The following ACYP2 variants were observed in gnomAD, a reference collection of about 807,000 sequenced individuals.
The protein encoded by ACYP2 is acylphosphatase-2.
In ACYP2, 12 loss-of-function variants were observed where a neutral mutation model predicts 11.2. That is an observed-to-expected ratio of 1.08 (90% CI 0.69 to 1.74). The LOEUF (loss-of-function observed/expected upper bound fraction) is 1.74, where lower values mean the gene tolerates loss of function less well. Among genes scored for constraint, ACYP2 ranks in the 40% most tolerant of loss-of-function variants. ACYP2 has a pLI of 0.00. For synonymous variants in ACYP2, 43 were observed against 32.2 expected (o/e 1.33, Z -1.13); for missense variants, 134 against 101.9 (o/e 1.31, Z -1.35).
At chr2:54,081,023 G>A (rs1677618059) in intron 4 of ACYP2, among the ~76,000 whole-genome samples, 2 of 152,100 alleles carry the variant, frequency 1.3e-5, no homozygotes. Context: ...TTTCATATAT[G>A]GTTTATATGA....
chr2:54,159,066 A>G (rs997271567), intron 6 of ACYP2, among the ~76,000 whole-genome samples: 1 of 152,088 alleles, frequency 6.6e-6, no homozygotes, highest in African/African-American at 2.4e-5. Flanking sequence ...GCTTACTACT[A>G]TAAAACCATG....
chr2:54,149,816 C>A (rs1359143571), intron 6 of ACYP2, among the ~76,000 whole-genome samples: 3 of 152,120 alleles, frequency 2.0e-5, no homozygotes, highest in Non-Finnish European at 4.4e-5. Context: ...GTTACATGGC[C>A]TGGAAAACTA....
At chr2:54,257,405 A>G (rs528034583) in intron 6 of ACYP2, among the ~76,000 whole-genome samples, 55 of 152,334 alleles carry the variant, frequency 3.6e-4, no homozygotes, top group Non-Finnish European at 6.9e-4. Context: ...TGTTTCTGTC[A>G]GAAGTGACAT....
In ACYP2 at chr2:54,289,598, A is replaced by G. The variant is rs546560584; in HGVS notation, c.405-15090A>G. On this transcript the variant is annotated intron_variant, in intron 6 of 6. Coordinates refer to ENST00000607452, the MANE Select transcript of ACYP2 (RefSeq NM_001320586.2). ...GTTTTTTATGATCATCTCTGTCTAC[A>G]TAACAGACTGAAATTTGTGAGCATT... 1.8e-4 allele frequency among the ~76,000 whole-genome samples: 28 copies of G among 152,152 alleles called. 1 individual carries two copies. Among genetic ancestry groups the G allele is most frequent in the African/African-American group, 5.6e-4 (23 of 41,408 alleles).
At chr2:54,219,855 A>AT (rs1491527674) in intron 6 of ACYP2, among the ~76,000 whole-genome samples, 46 of 39,986 alleles carry the variant, frequency 1.2e-3, no homozygotes, top group East Asian at 7.9e-3. Context: ...GTGTGTATAT[A>AT]GATGTGTGTG....
At chr2:54,286,558 C>G (rs1375316781) in intron 6 of ACYP2, among the ~76,000 whole-genome samples, 1 of 152,030 alleles carries the variant, frequency 6.6e-6, no homozygotes, top group Non-Finnish European at 1.5e-5. Flanking sequence ...ATCCTCCTTT[C>G]ACATACCAGG....
intron 4 of ACYP2, among the ~76,000 whole-genome samples, chr2:54,123,984 G>A (rs1680311973): frequency 6.6e-6 from 1 of 152,154 alleles, no homozygotes; most frequent in East Asian, 1.9e-4. Context: ...TGGGAGAATG[G>A]ATTTGGGGTA....
intron 6 of ACYP2, among the ~76,000 whole-genome samples, chr2:54,292,196 A>T (rs1573062066): frequency 6.6e-6 from 1 of 152,218 alleles, no homozygotes; most frequent in East Asian, 1.9e-4. Flanking sequence ...AGCAAAACAA[A>T]TCTTTTTTTT....
At chr2:54,038,707 A>G (rs1675048037) in intron 2 of ACYP2, among the ~76,000 whole-genome samples, 1 of 141,380 alleles carries the variant, frequency 7.1e-6, no homozygotes, top group Non-Finnish European at 1.5e-5. Flanking sequence ...ATATATATAT[A>G]TATATACTCT....
intron 6 of ACYP2, among the ~76,000 whole-genome samples, chr2:54,207,101 C>T (rs1166980739): frequency 7.0e-6 from 1 of 142,584 alleles, no homozygotes; most frequent in Non-Finnish European, 1.5e-5. Context: ...ATATAGATAT[C>T]TATATATAGA....
intron 2 of ACYP2, among the ~76,000 whole-genome samples, chr2:54,042,344 T>C (rs1029854449): frequency 6.6e-6 from 1 of 152,230 alleles, no homozygotes; most frequent in Non-Finnish European, 1.5e-5. Context: ...ATAAGAACTG[T>C]ACCCCCAGAA....
At chr2:53,998,516 C>T (rs182402133) in intron 2 of ACYP2, among the ~76,000 whole-genome samples, 28 of 152,178 alleles carry the variant, frequency 1.8e-4, no homozygotes, top group African/African-American at 6.5e-4. Context: ...TGACTTAACA[C>T]ATAAAAGTTT....
chr2:54,090,645 T>C (rs57973870), intron 4 of ACYP2, among the ~76,000 whole-genome samples: 3,485 of 152,254 alleles, frequency 0.023, 120 homozygotes, highest in African/African-American at 0.079. Context: ...CAAAACAAAA[T>C]GAAACGGTGT....
intron 6 of ACYP2, among the ~76,000 whole-genome samples, chr2:54,247,204 T>A (rs1312452865): frequency 1.3e-5 from 2 of 152,122 alleles, no homozygotes; most frequent in African/African-American, 4.8e-5. Flanking sequence ...ATTTTATCCT[T>A]CTCTTCTCAT....
intron 5 of ACYP2, among the ~76,000 whole-genome samples, chr2:54,137,595 C>T (rs1448236610): frequency 6.6e-6 from 1 of 152,126 alleles, no homozygotes; most frequent in Non-Finnish European, 1.5e-5. Flanking sequence ...ATTCATGTTC[C>T]TTCAAAGGAC....
intron 4 of ACYP2, among the ~76,000 whole-genome samples, chr2:54,134,585 TTTTA>T (rs1194691311): frequency 3.3e-5 from 5 of 152,242 alleles, no homozygotes; most frequent in Non-Finnish European, 7.3e-5. Context: ...TGCTTCAGCA[TTTTA>T]TTTATTTGGA....
rs2104503594 is a variant in ACYP2, at chr2:53,973,758, A to G, written c.10A>G (p.Thr4Ala). Reference sequence around the variant, plus strand: ...GGTGAAATAAACAGCCATGTTGCTCACACAAAGCCTGTTTGGTGGTCTCTT... The same window carrying G: ...GGTGAAATAAACAGCCATGTTGCTCGCACAAAGCCTGTTTGGTGGTCTCTT... Residue 4 changes from threonine (T) to alanine (A), a missense_variant, in exon 2 of 7, where the codon ACA becomes GCA. Coordinates refer to ENST00000607452, the MANE Select transcript of ACYP2 (RefSeq NM_001320586.2). 8.6e-6 allele frequency: 3 copies of G among 346,942 alleles called. No individual in the cohort carries two copies. The East Asian group carries it at 1.3e-4, about 15-fold the overall frequency. The allele number at this position is 346,942 out of a possible 1,614,324, so 21.5% of individuals were successfully genotyped here.
intron 4 of ACYP2, among the ~76,000 whole-genome samples, chr2:54,122,408 A>G (rs556886947): frequency 1.8e-4 from 28 of 152,298 alleles, no homozygotes; most frequent in African/African-American, 6.5e-4. Flanking sequence ...GGAGTCTTTT[A>G]TCACCAAAAG....
At chr2:54,065,239 T>A (rs1355015283) in intron 4 of ACYP2, among the ~76,000 whole-genome samples, 1 of 152,178 alleles carries the variant, frequency 6.6e-6, no homozygotes, top group African/African-American at 2.4e-5. Flanking sequence ...TTACTGGATG[T>A]GAGGAAAGTT....
Sources: gnomAD v4.1 joint callset for allele counts (sites outside exome capture counted in the v4.1 genomes callset) on GRCh38, gnomAD v4.1.1 for gene constraint, MANE v1.5 for transcripts, NCBI Gene and HGNC (gene_info 2026-07-23, HGNC 2026-07-21) for gene names.